The following COG2 variants were observed in gnomAD, a reference collection of about 807,000 sequenced individuals.
The protein encoded by COG2 is component of oligomeric golgi complex 2, also known as conserved oligomeric Golgi complex subunit 2.
A neutral mutation model predicts 90.6 loss-of-function variants in COG2; 52 were observed. The ratio of observed to expected loss-of-function variants is 0.57; its 90% CI spans 0.46 to 0.72. COG2 has a LOEUF of 0.72. Among genes scored for constraint, COG2 ranks in the 30% least tolerant of loss-of-function variants. COG2 has a pLI of 0.00. For missense variants in COG2, 829 were observed against 891.2 expected, an observed-to-expected ratio of 0.93 and a Z score of 0.89; for synonymous variants, 337 against 320.4, an observed-to-expected ratio of 1.05 and a Z score of -0.55.
At chr1:230,658,523 C>T (rs565388910) in intron 1 of COG2, among the ~76,000 whole-genome samples, 11 of 152,252 alleles carry the variant, frequency 7.2e-5, no homozygotes, top group South Asian at 4.1e-4. Context: ...TCAGGATACA[C>T]GGGGGTCAGG....
chr1:230,688,599 G>T, intron 15 of COG2, 37 bp downstream of exon 15: 3 of 1,611,196 alleles, frequency 1.9e-6, no homozygotes, highest in Non-Finnish European at 2.5e-6. Flanking sequence ...TTGAGGTGGG[G>T]AAGTGTGTGT....
intron 11 of COG2, 98 bp downstream of exon 11, chr1:230,683,733 GT>G (rs5781597): frequency 2.2e-3 from 1,110 of 497,052 alleles, no homozygotes; most frequent in Middle Eastern, 3.6e-3. Context: ...TACTTTTACT[GT>G]TTTTTTTTTT....
chr1:230,675,074 G>A lies in COG2; in HGVS notation c.976G>A (p.Glu326Lys). 6.2e-7 allele frequency: 1 copy of A among 1,612,824 alleles called. No homozygotes were observed. ...GCCACAAATAGTACAAGGATTAGAA[G>A]AAAAGTTACCCTCGCTTTTTAATCC... is the stretch of plus-strand genomic sequence containing the variant. ...VWPQIVQGLE[E>K]KLPSLFNPGN... The change falls in exon 9 of 18, where the codon GAA (glutamate) becomes AAA (lysine). Residue 326 changes from glutamate to lysine, a missense_variant. By Grantham distance (56) the Glu-to-Lys change is moderately conservative. Coordinates refer to ENST00000366669, the MANE Select transcript of COG2 (RefSeq NM_007357.3).
intron 1 of COG2, among the ~76,000 whole-genome samples, chr1:230,655,182 C>G (rs1020353740): frequency 2.6e-5 from 4 of 152,124 alleles, no homozygotes; most frequent in African/African-American, 9.7e-5. Flanking sequence ...TGCCAGTTTT[C>G]AAAGGGAATG....
intron 15 of COG2, 32 bp from the exon 16 acceptor site, chr1:230,689,982 T>G: frequency 6.5e-7 from 1 of 1,538,076 alleles, no homozygotes; most frequent in South Asian, 1.2e-5. Context: ...TTTTTTCCTG[T>G]GCATCTTTAT....
At chr1:230,688,697 G>A (rs978141036) in intron 15 of COG2, 135 bp downstream of exon 15, 11 of 1,008,086 alleles carry the variant, frequency 1.1e-5, no homozygotes, top group Non-Finnish European at 1.5e-5. Flanking sequence ...TCTGAGAATG[G>A]TATTGATGAA....
In COG2 at chr1:230,685,127, G is replaced by A. The variant is rs1662855904; in HGVS notation, c.1271G>A (p.Ser424Asn). 1.9e-6 allele frequency: 3 copies of A among 1,614,174 alleles called. No homozygotes were observed. Among genetic ancestry groups the A allele is most frequent in the Non-Finnish European group, 2.5e-6 (3 of 1,180,028 alleles). ...CTTTTGGCTTCTCATAGAACTTGGAGCAGCCTTAGGAGGTGTTGGTCAGAT... is the reference window on the plus strand; with the variant it reads ...CTTTTGGCTTCTCATAGAACTTGGAACAGCCTTAGGAGGTGTTGGTCAGAT... ...YCLLASHRTW[S>N]SLRRCWSDEM... The change falls in exon 12 of 18, where the codon AGC (serine) becomes AAC (asparagine). Residue 424 changes from serine (S) to asparagine (N), a missense_variant. Coordinates refer to ENST00000366669, the MANE Select transcript of COG2 (RefSeq NM_007357.3).
intron 14 of COG2, 65 bp downstream of exon 14, chr1:230,688,208 A>T: frequency 7.8e-7 from 1 of 1,284,868 alleles, no homozygotes; most frequent in Admixed American, 2.3e-5. Flanking sequence ...AATCTCAGAG[A>T]CTGTAGGGTA....
intron 9 of COG2, among the ~76,000 whole-genome samples, chr1:230,676,537 G>T (rs769266241): frequency 3.3e-5 from 5 of 151,588 alleles, no homozygotes; most frequent in Non-Finnish European, 7.4e-5. Flanking sequence ...CTTCTATTAC[G>T]TTTTTTTTAA....
chr1:230,650,357 C>T (rs531980152), intron 1 of COG2, among the ~76,000 whole-genome samples: 4 of 152,108 alleles, frequency 2.6e-5, no homozygotes, highest in Non-Finnish European at 5.9e-5. Flanking sequence ...CTTTTTCTCA[C>T]ATCCAGTGTT....
intron 3 of COG2, among the ~76,000 whole-genome samples, chr1:230,662,260 A>T (rs1443406073): frequency 1.3e-5 from 2 of 151,702 alleles, no homozygotes; most frequent in Non-Finnish European, 2.9e-5. Context: ...TTGGCTTCCA[A>T]CTCATGAAGC....
At chr1:230,664,707 A>G (rs932821998) in intron 5 of COG2, 120 bp downstream of exon 5, 1 of 530,410 alleles carries the variant, frequency 1.9e-6, no homozygotes, top group Admixed American at 3.8e-5. Flanking sequence ...TAGTGTTTTT[A>G]AATGTAGCTC....
intron 8 of COG2, among the ~76,000 whole-genome samples, chr1:230,672,185 C>T (rs538590397): frequency 2.0e-5 from 3 of 152,322 alleles, no homozygotes; most frequent in Admixed American, 6.5e-5. Context: ...CTTCCAGTCT[C>T]TCCCTCTCTA....
intron 1 of COG2, among the ~76,000 whole-genome samples, chr1:230,655,932 A>C (rs1213363658): frequency 6.6e-6 from 1 of 152,150 alleles, no homozygotes; most frequent in African/African-American, 2.4e-5. Context: ...TTTCTGTGGA[A>C]TGGGGGGTGA....
At chr1:230,658,669 G>A (rs1217113609) in intron 1 of COG2, among the ~76,000 whole-genome samples, 1 of 152,138 alleles carries the variant, frequency 6.6e-6, no homozygotes, top group African/African-American at 2.4e-5. Context: ...CCTTCCCCCA[G>A]GTGCTCTGTC....
intron 9 of COG2, 192 bp from the exon 10 acceptor site, chr1:230,678,721 C>T (rs1239378790): frequency 6.7e-7 from 1 of 1,493,854 alleles, no homozygotes; most frequent in African/African-American, 1.4e-5. Flanking sequence ...AGACATATCA[C>T]AGAACCACTT....
At chr1:230,660,575 A>G (rs1662157386) in intron 2 of COG2, among the ~76,000 whole-genome samples, 183 bp from the exon 3 acceptor site, 1 of 152,142 alleles carries the variant, frequency 6.6e-6, no homozygotes, top group Non-Finnish European at 1.5e-5. Flanking sequence ...GTTTTTTCAC[A>G]TTCTATCAGC....
chr1:230,660,707 C>T lies in COG2; in HGVS notation c.235-51C>T, dbSNP rs762582620. The T allele has an allele frequency of 2.6e-5, 33 of 1,270,534 alleles. No homozygotes were observed. The South Asian group carries it at 3.9e-4, about 15-fold the overall frequency. 78.7% of individuals were successfully genotyped at this position (1,270,534 alleles called of 1,614,324 possible). On this transcript the variant is annotated intron_variant, in intron 2 of 17. Transcript: ENST00000366669. ...CATTGATCATTAAATGGATACTTAG[C>T]TGTTACTCTTGATTGTGAGGTGTGT...
In COG2 at chr1:230,669,455, C is replaced by G; in HGVS notation, c.694C>G (p.Arg232Gly). 6.2e-6 allele frequency: 10 copies of G among 1,614,030 alleles called. No individual in the cohort carries two copies. The highest frequency in any genetic ancestry group is 8.5e-6 in the Non-Finnish European group (10 of 1,179,964). The stretch of plus-strand genomic sequence containing the variant: ...CGTCGATATAATACGGCACTGCTTG[C>G]GGACTTACGCCACGATTGACAAGAC... ...SDVDIIRHCL[R>G]TYATIDKTRD... The change falls in exon 7 of 18, where the codon CGG becomes GGG. Residue 232 changes from arginine to glycine, a missense_variant. By Grantham distance (125) the Arg-to-Gly change is moderately radical (BLOSUM62 -2). Coordinates refer to ENST00000366669, the MANE Select transcript of COG2 (RefSeq NM_007357.3).
Sources: gnomAD v4.1 joint callset for allele counts (sites outside exome capture counted in the v4.1 genomes callset) on GRCh38, gnomAD v4.1.1 for gene constraint, MANE v1.5 for transcripts, NCBI Gene and HGNC (gene_info 2026-07-23, HGNC 2026-07-21) for gene names.